FLT1: variants seen among roughly 807,000 people sequenced by gnomAD.
The protein encoded by FLT1 is fms related receptor tyrosine kinase 1.
A neutral mutation model predicts 156.3 loss-of-function variants in FLT1; 49 were observed. That is an observed-to-expected ratio of 0.31 (90% CI 0.25 to 0.40). The LOEUF (loss-of-function observed/expected upper bound fraction) is 0.40, where lower values mean the gene tolerates loss of function less well. Ranked by LOEUF, FLT1 falls within the 10% of genes least tolerant of loss-of-function variation. The pLI is 1.00. For synonymous variants in FLT1, 594 were observed against 583.8 expected, an observed-to-expected ratio of 1.02 and a Z score of -0.25; for missense variants, 1,322 against 1,637.2, an observed-to-expected ratio of 0.81 and a Z score of 3.32.
chr13:28,488,620 G>A (rs1038424269), intron 1 of FLT1, among the ~76,000 whole-genome samples: 1 of 152,186 alleles, frequency 6.6e-6, no homozygotes, highest in Non-Finnish European at 1.5e-5. Flanking sequence ...GGAATGTGCA[G>A]TGTGGGCCGG....
At position 28,439,215 on chromosome 13, in the gene FLT1, G is replaced by T. The variant is rs762895496; in HGVS notation, c.389-870C>A. On this transcript the variant is annotated intron_variant, in intron 3 of 29. Coordinates refer to ENST00000282397, the MANE Select transcript of FLT1 (RefSeq NM_002019.4). This position sits in a 1 kb window ranked among gnomAD's most constrained non-coding sequence, Gnocchi z 4.1. Reference sequence around the variant, plus strand: ...CTCAGTCTACCCTGCCCTTGCCCTCGGGAATCTATTGACATCCTCAGGCAA... The same window carrying T: ...CTCAGTCTACCCTGCCCTTGCCCTCTGGAATCTATTGACATCCTCAGGCAA... Among the ~76,000 whole-genome samples, 1 of 152,214 alleles carries T rather than the reference G, an allele frequency of 6.6e-6. No individual in the cohort carries two copies. Among genetic ancestry groups the T allele is most frequent in the South Asian group, 2.1e-4 (1 of 4,812 alleles).
rs563557502 is a variant in FLT1 at position 28,437,112 on chromosome 13, C to T, written c.513+1109G>A. 9.9e-5 allele frequency among the ~76,000 whole-genome samples: 15 copies of T among 152,234 alleles called. No homozygotes were observed. In the East Asian group the frequency reaches 2.7e-3, roughly 27 times the overall value. ...TGCGAAGTTCCTGACACTCTGGAAA[C>T]CAGGGTGTTTTTATCTTGACCAACT... On this transcript the variant is annotated intron_variant, in intron 4 of 29. Coordinates refer to ENST00000282397, the MANE Select transcript of FLT1 (RefSeq NM_002019.4).
At chr13:28,320,471 G>A (rs1206112400) in intron 23 of FLT1, among the ~76,000 whole-genome samples, 1 of 151,932 alleles carries the variant, frequency 6.6e-6, no homozygotes, top group Non-Finnish European at 1.5e-5. Flanking sequence ...GCCACATGTG[G>A]CCCAGGACAG....
intron 1 of FLT1, among the ~76,000 whole-genome samples, chr13:28,473,645 A>AAAAGAAAG (rs760581592): frequency 0.023 from 1,826 of 79,618 alleles, 58 homozygotes; most frequent in African/African-American, 0.074. Flanking sequence ...ACTATATCTC[A>AAAAGAAAG]AAAGAAAGAA....
At position 28,454,966 on chromosome 13, in the gene FLT1, A is replaced by T. The variant is rs187744370; in HGVS notation, c.388+11937T>A. Among the ~76,000 whole-genome samples the T allele has an allele frequency of 2.0e-5, 3 of 152,348 alleles. No homozygotes were observed. The East Asian group carries it at 5.8e-4, about 29-fold the overall frequency. On this transcript the variant is annotated intron_variant, in intron 3 of 29. Transcript: ENST00000282397. ...AAAATATATATAAGAATCTATATGT[A>T]TGAGGAAAACTACAAAACTATGATG...
intron 1 of FLT1, among the ~76,000 whole-genome samples, chr13:28,473,837 A>AGAAT (rs1880386854): frequency 1.6e-5 from 2 of 121,340 alleles, no homozygotes; most frequent in Non-Finnish European, 3.3e-5. Context: ...AAAGAAAGAA[A>AGAAT]GGAAGAAAGA....
intron 10 of FLT1, among the ~76,000 whole-genome samples, chr13:28,417,597 A>G (rs1428339965): frequency 6.6e-6 from 1 of 152,088 alleles, no homozygotes; most frequent in Non-Finnish European, 1.5e-5. Flanking sequence ...ATAACTATTT[A>G]TCTTTGAGCC....
At chr13:28,360,637 TTGAACTCATAGATGTAGAGAGTAGAG>T (rs1873079001) in intron 14 of FLT1, among the ~76,000 whole-genome samples, 1 of 152,120 alleles carries the variant, frequency 6.6e-6, no homozygotes, top group Non-Finnish European at 1.5e-5. Flanking sequence ...TCTAAAAAAG[TTGAACTCATAGATGTAGAGAGTAGAG>T]TGATGGTTAC....
chr13:28,371,175 CAT>C (rs1045733944), intron 14 of FLT1, among the ~76,000 whole-genome samples: 9 of 152,012 alleles, frequency 5.9e-5, no homozygotes, highest in Non-Finnish European at 1.0e-4. Context: ...CTGGGTTTCC[CAT>C]ATAAGCCCAC....
chr13:28,451,024 G>A (rs1878901561), intron 3 of FLT1, among the ~76,000 whole-genome samples: 1 of 152,224 alleles, frequency 6.6e-6, no homozygotes, highest in Non-Finnish European at 1.5e-5. Context: ...GCAACGGACT[G>A]ATGAAGACTC....
At chr13:28,469,807 C>T (rs898228766) in intron 1 of FLT1, among the ~76,000 whole-genome samples, 1 of 151,760 alleles carries the variant, frequency 6.6e-6, no homozygotes, top group Non-Finnish European at 1.5e-5. Context: ...GCTGGAGTGC[C>T]TTGGTGCGAT....
intron 3 of FLT1, among the ~76,000 whole-genome samples, chr13:28,460,655 C>A (rs529766605): frequency 1.3e-3 from 163 of 125,880 alleles, no homozygotes; most frequent in Non-Finnish European, 2.4e-3. Flanking sequence ...GTGTGCCCCT[C>A]CCCCCACCCC....
At chr13:28,381,258 C>T (rs1213526959) in intron 14 of FLT1, among the ~76,000 whole-genome samples, 1 of 152,130 alleles carries the variant, frequency 6.6e-6, no homozygotes, top group Non-Finnish European at 1.5e-5. Context: ...TTGAGGAATA[C>T]AGAACTTAGC....
intron 14 of FLT1, among the ~76,000 whole-genome samples, chr13:28,366,741 G>A (rs1873311133): frequency 6.6e-6 from 1 of 152,156 alleles, no homozygotes; most frequent in Non-Finnish European, 1.5e-5. Flanking sequence ...AAAGTGCTAG[G>A]ATTACAGGCG....
chr13:28,417,926 C>CTCCTTTTCATCTCCTTT (rs1156489637), intron 10 of FLT1, among the ~76,000 whole-genome samples: 7 of 152,132 alleles, frequency 4.6e-5, no homozygotes, highest in Admixed American at 2.0e-4. Context: ...CTTTTGACCC[C>CTCCTTTTCATCTCCTTT]TCCTTTTCAT....
chr13:28,362,315 A>T (rs1873140639), intron 14 of FLT1, among the ~76,000 whole-genome samples: 1 of 152,240 alleles, frequency 6.6e-6, no homozygotes, highest in African/African-American at 2.4e-5. Flanking sequence ...ATCAATTGAG[A>T]TAGCTTAAAT....
chr13:28,434,530 C>G (rs1877912403), intron 4 of FLT1, among the ~76,000 whole-genome samples: 1 of 152,164 alleles, frequency 6.6e-6, no homozygotes, highest in Admixed American at 6.5e-5. Context: ...CAGTTGGAGC[C>G]CATAACTCTT....
Position 28,454,399 on chromosome 13 carries a change from A to G in FLT1, c.388+12504T>C, listed in dbSNP as rs1879145508. Among the ~76,000 whole-genome samples the G allele has an allele frequency of 2.0e-5, 3 of 152,348 alleles. No individual in the cohort carries two copies. In the South Asian group the frequency reaches 6.2e-4, roughly 32 times the overall value. On this transcript the variant is annotated intron_variant, in intron 3 of 29. Transcript: ENST00000282397. ...ATAATAATAAACTCGTATATAGTGCATACTATACACCAAACACCGTCCTAA... is the reference window on the plus strand; with the variant it reads ...ATAATAATAAACTCGTATATAGTGCGTACTATACACCAAACACCGTCCTAA...
chr13:28,335,099 C>T (rs1872066885), intron 17 of FLT1, among the ~76,000 whole-genome samples: 1 of 152,104 alleles, frequency 6.6e-6, no homozygotes, highest in South Asian at 2.1e-4. Flanking sequence ...CCCTGGAGTA[C>T]CTAAGCTGCC....
Sources: allele counts gnomAD v4.1 joint callset (sites outside exome capture counted in the v4.1 genomes callset), GRCh38; gene constraint gnomAD v4.1.1; non-coding constraint Gnocchi (gnomAD v3.1); transcripts MANE v1.5; gene names NCBI Gene and HGNC (gene_info 2026-07-23, HGNC 2026-07-21).